Variants in KCNN3 observed in about 807,000 individuals in gnomAD.
KCNN3 encodes the protein potassium calcium-activated channel subfamily N member 3, also known as small conductance calcium-activated potassium channel protein 3.
KCNN3 carries 16 observed loss-of-function variants against 62.9 expected under a neutral mutation model. The ratio of observed to expected loss-of-function variants is 0.25; its 90% CI spans 0.17 to 0.39. KCNN3 has a LOEUF of 0.39. Among genes scored for constraint, KCNN3 ranks in the 10% least tolerant of loss-of-function variants. The pLI, the probability that KCNN3 is intolerant of heterozygous loss-of-function variation, is 1.00. For missense variants in KCNN3, 599 were observed against 949.4 expected (o/e 0.63, Z 4.85); for synonymous variants, 370 against 389.2 (o/e 0.95, Z 0.58).
At chr1:154,792,619 A>T (rs73009409) in intron 2 of KCNN3, among the ~76,000 whole-genome samples, 4,213 of 152,314 alleles carry the variant, frequency 0.028, 199 homozygotes, top group African/African-American at 0.096. Context: ...CTCTAACTAC[A>T]GCAAGAGGGA....
At chr1:154,780,151 A>G (rs1167952251) in intron 2 of KCNN3, among the ~76,000 whole-genome samples, 1 of 151,114 alleles carries the variant, frequency 6.6e-6, no homozygotes, top group Non-Finnish European at 1.5e-5. Context: ...CATTTCCTGC[A>G]AAGGGGTAGG....
chr1:154,730,068 G>A (rs114070869), intron 4 of KCNN3, among the ~76,000 whole-genome samples: 1,712 of 152,354 alleles, frequency 0.011, 20 homozygotes, highest in African/African-American at 0.039. Flanking sequence ...CAGAAGGTCA[G>A]CATTGCACAT....
intron 1 of KCNN3, among the ~76,000 whole-genome samples, chr1:154,831,000 C>T (rs1651359430): frequency 1.3e-5 from 2 of 152,206 alleles, no homozygotes. Context: ...TTCTCTACTG[C>T]ATGCTTGCTT....
chr1:154,839,603 C>G (rs1017280113), intron 1 of KCNN3, among the ~76,000 whole-genome samples: 5 of 152,260 alleles, frequency 3.3e-5, no homozygotes, highest in Admixed American at 2.6e-4. Flanking sequence ...GGCCCAGGCA[C>G]AGAGAGTGCT....
chr1:154,866,131 C>A (rs1014166723), intron 1 of KCNN3, among the ~76,000 whole-genome samples: 3 of 152,182 alleles, frequency 2.0e-5, no homozygotes, highest in Non-Finnish European at 4.4e-5. Flanking sequence ...TCACCTCCCC[C>A]CAAGAATAAA....
At chr1:154,748,571 G>T (rs929120752) in intron 3 of KCNN3, among the ~76,000 whole-genome samples, 1 of 152,190 alleles carries the variant, frequency 6.6e-6, no homozygotes, top group African/African-American at 2.4e-5. Context: ...TTTCTCAAGT[G>T]CCAATCACGT....
At chr1:154,808,211 G>A (rs1650261647) in intron 2 of KCNN3, among the ~76,000 whole-genome samples, 1 of 152,078 alleles carries the variant, frequency 6.6e-6, no homozygotes, top group African/African-American at 2.4e-5. Flanking sequence ...TTAGACCTGG[G>A]TGCCTCATCG....
intron 1 of KCNN3, among the ~76,000 whole-genome samples, chr1:154,842,123 T>A (rs1287568201): frequency 6.6e-6 from 1 of 152,202 alleles, no homozygotes; most frequent in South Asian, 2.1e-4. Context: ...CCTGTGTGAC[T>A]TGCAGCAAAT....
chr1:154,731,615 C>T (rs1021117169), intron 4 of KCNN3, among the ~76,000 whole-genome samples: 2 of 152,242 alleles, frequency 1.3e-5, no homozygotes, highest in Admixed American at 6.5e-5. Context: ...CTTTGCACTG[C>T]AGAAAGGGGT....
intron 1 of KCNN3, among the ~76,000 whole-genome samples, chr1:154,866,860 G>C (rs994661802): frequency 2.6e-5 from 4 of 152,184 alleles, no homozygotes; most frequent in African/African-American, 9.6e-5. Context: ...CCGCATCTCT[G>C]GGAAAGCCCC....
At chr1:154,811,248 G>T (rs1456865567) in intron 2 of KCNN3, among the ~76,000 whole-genome samples, 1 of 152,190 alleles carries the variant, frequency 6.6e-6, no homozygotes, top group East Asian at 1.9e-4. Context: ...TGGAGATGAT[G>T]TGCGAAGAGA....
intron 1 of KCNN3, among the ~76,000 whole-genome samples, chr1:154,822,600 T>C (rs1166493737): frequency 1.3e-5 from 2 of 152,260 alleles, no homozygotes; most frequent in Non-Finnish European, 1.5e-5. Context: ...TTACGCCAGC[T>C]TGGGCCTCTG....
At position 154,869,551 on chromosome 1, in the gene KCNN3, G is replaced by T. The variant is rs1653088549; in HGVS notation, c.414C>A (p.Gly138=). 6.2e-7 allele frequency: 1 copy of T among 1,614,122 alleles called. No individual in the cohort carries two copies. The highest frequency in any genetic ancestry group is 8.5e-7 in the Non-Finnish European group (1 of 1,180,018). ...TTGTAGCTGTGGAACTTGGAGAGTG[G>T]CCAAGCAAGTGGTCATTGAGATTGA... ...SQLNLNDHLL[G]HSPSSTATSG... The change falls in exon 1 of 8, where the codon GGC becomes GGA. Residue 138 remains glycine (G), a synonymous_variant. Coordinates refer to ENST00000271915, the MANE Select transcript of KCNN3 (RefSeq NM_002249.6). This position sits in a 1 kb window ranked among gnomAD's most constrained non-coding sequence, Gnocchi z 6.1.
chr1:154,773,844 T>C (rs1397993046), intron 2 of KCNN3, among the ~76,000 whole-genome samples: 4 of 152,224 alleles, frequency 2.6e-5, no homozygotes, highest in African/African-American at 9.7e-5. Flanking sequence ...AAAAGTCATG[T>C]TTCCTGCATG....
rs1258547220 is a variant in KCNN3 at position 154,698,428 on chromosome 1, T to G, written c.*9548A>C. On this transcript the variant is annotated 3_prime_UTR_variant, in exon 8 of 8. Coordinates refer to ENST00000271915, the MANE Select transcript of KCNN3 (RefSeq NM_002249.6). Reference sequence around the variant, plus strand: ...TCTGATTGACACTGTATACAGGGCATGACCTCTCTGACTTGGCCCTGCCTA... The same window carrying G: ...TCTGATTGACACTGTATACAGGGCAGGACCTCTCTGACTTGGCCCTGCCTA... 1 of 152,238 alleles carries G rather than the reference T, an allele frequency of 6.6e-6. No individual in the cohort carries two copies. Among genetic ancestry groups the G allele is most frequent in the Non-Finnish European group, 1.5e-5 (1 of 68,060 alleles). The allele number at this position is 152,238 out of a possible 1,614,324, so 9.4% of individuals were successfully genotyped here. A position where few individuals can be genotyped will look rare whatever the true frequency, so the allele number is the denominator to read the frequency against.
At position 154,703,095 on chromosome 1, in the gene KCNN3, T is replaced by C. The variant is rs1699892815; in HGVS notation, c.*4881A>G. On this transcript the variant is annotated 3_prime_UTR_variant, in exon 8 of 8. Coordinates refer to ENST00000271915, the MANE Select transcript of KCNN3 (RefSeq NM_002249.6). ...TTTTTTCTATCTGTATATATGTATA[T>C]ACCATTGCACTGAGTACTTTTTAAT... 6.6e-6 allele frequency: 1 copy of C among 152,150 alleles called. No homozygotes were observed. The highest frequency in any genetic ancestry group is 2.4e-5 in the African/African-American group (1 of 41,424). 9.4% of individuals were successfully genotyped at this position (152,150 alleles called of 1,614,324 possible).
At chr1:154,857,914 T>G (rs1652602499) in intron 1 of KCNN3, among the ~76,000 whole-genome samples, 1 of 152,122 alleles carries the variant, frequency 6.6e-6, no homozygotes, top group Non-Finnish European at 1.5e-5. Flanking sequence ...GAAGGAAAAA[T>G]AAGTTCCCAT....
intron 2 of KCNN3, among the ~76,000 whole-genome samples, chr1:154,781,222 A>G (rs61034446): frequency 1.3e-5 from 2 of 152,178 alleles, no homozygotes; most frequent in Admixed American, 6.5e-5. Context: ...AGAGAAAGAA[A>G]GCCAAGTTTC....
chr1:154,847,098 C>A (rs1407068657), intron 1 of KCNN3, among the ~76,000 whole-genome samples: 1 of 152,040 alleles, frequency 6.6e-6, no homozygotes, highest in Non-Finnish European at 1.5e-5. Flanking sequence ...TGTCTGCCCC[C>A]TCCCCTGCCT....
Sources: allele counts gnomAD v4.1 joint callset (sites outside exome capture counted in the v4.1 genomes callset), GRCh38; gene constraint gnomAD v4.1.1; non-coding constraint Gnocchi (gnomAD v3.1); transcripts MANE v1.5; gene names NCBI Gene and HGNC (gene_info 2026-07-23, HGNC 2026-07-21).